UBR3: variants seen among roughly 807,000 people sequenced by gnomAD.
UBR3 encodes the protein ubiquitin protein ligase E3 component n-recognin 3.
A neutral mutation model predicts 243.2 loss-of-function variants in UBR3; 85 were observed. The observed-to-expected ratio is 0.35, with a 90% CI of 0.29 to 0.42. The LOEUF is 0.42. Ranked by LOEUF, UBR3 falls within the 10% of genes least tolerant of loss-of-function variation. The probability of loss-of-function intolerance (pLI) is 1.00; values close to 1 mark genes in which losing one functional copy is unlikely to be tolerated. For missense variants in UBR3, 1,686 were observed against 2,300.8 expected (o/e 0.73, Z 5.47); for synonymous variants, 748 against 799.8 (o/e 0.94, Z 1.09).
rs149430063 is a variant in UBR3, at chr2:170,027,875, G to A, written c.4454-1471G>A. 8.4e-3 allele frequency among the ~76,000 whole-genome samples: 1,273 copies of A among 151,760 alleles called. 19 individuals carry two copies. The highest frequency in any genetic ancestry group is 0.03 in the African/African-American group (1,223 of 41,454). ...TTCCCTTGTTCTCAGTATCATCTACGAAACCAGGCTACCATAAAAACTGGA... is the reference window on the plus strand; with the variant it reads ...TTCCCTTGTTCTCAGTATCATCTACAAAACCAGGCTACCATAAAAACTGGA... On this transcript the variant is annotated intron_variant, in intron 30 of 38. Coordinates refer to ENST00000272793, the MANE Select transcript of UBR3 (RefSeq NM_172070.4).
intron 35 of UBR3, among the ~76,000 whole-genome samples, chr2:170,063,365 T>G (rs2091491816): frequency 6.6e-6 from 1 of 152,152 alleles, no homozygotes; most frequent in Non-Finnish European, 1.5e-5. Flanking sequence ...AGTTGGACCC[T>G]TTAGGCGGAC....
intron 31 of UBR3, among the ~76,000 whole-genome samples, chr2:170,030,916 C>T (rs977548144): frequency 1.4e-4 from 21 of 152,172 alleles, no homozygotes; most frequent in Middle Eastern, 3.4e-3. Context: ...TATGAAGTCT[C>T]TAATCTGTTG....
chr2:169,970,458 A>G (rs374785789), intron 24 of UBR3, among the ~76,000 whole-genome samples: 54 of 101,834 alleles, frequency 5.3e-4, no homozygotes, highest in African/African-American at 1.9e-3. Flanking sequence ...ATATCTCCCA[A>G]TGCTATCCCT....
At chr2:169,925,529 C>T in intron 13 of UBR3, 90 bp from the exon 14 acceptor site, 2 of 1,197,606 alleles carry the variant, frequency 1.7e-6, no homozygotes, top group South Asian at 1.7e-5. Context: ...ACTATGATCA[C>T]ATCATTAAAT....
chr2:169,967,900 G>C (rs1264179386), intron 24 of UBR3, among the ~76,000 whole-genome samples: 2 of 151,410 alleles, frequency 1.3e-5, no homozygotes, highest in Non-Finnish European at 2.9e-5. Flanking sequence ...TGTATATTGA[G>C]ATATAAAATA....
chr2:170,027,657 C>T (rs898916186), intron 30 of UBR3, among the ~76,000 whole-genome samples: 1 of 151,748 alleles, frequency 6.6e-6, no homozygotes, highest in African/African-American at 2.4e-5. Flanking sequence ...TGCAGAACTC[C>T]TCACCGTGCA....
intron 11 of UBR3, 45 bp from the exon 12 acceptor site, chr2:169,923,884 C>A: frequency 6.8e-7 from 1 of 1,466,632 alleles, no homozygotes; most frequent in Non-Finnish European, 9.1e-7. Context: ...CTTAAAATTT[C>A]TATAAAATAG....
At position 170,054,338 on chromosome 2, in the gene UBR3, A is replaced by G. The variant is rs1434098161; in HGVS notation, c.4661-1122A>G. Reference sequence around the variant, plus strand: ...ACACTGTTGCCTGGGCTGGAGTGCAATGCCAGAATCTTGGCTCACTGCAAC... The same window carrying G: ...ACACTGTTGCCTGGGCTGGAGTGCAGTGCCAGAATCTTGGCTCACTGCAAC... On this transcript the variant is annotated intron_variant, in intron 32 of 38. Transcript: ENST00000272793. Among the ~76,000 whole-genome samples, 5 of 150,562 alleles carry G rather than the reference A, an allele frequency of 3.3e-5. No homozygotes were observed. In the East Asian group the frequency reaches 9.9e-4, roughly 30 times the overall value.
At chr2:169,980,503 T>C (rs901345813) in intron 24 of UBR3, among the ~76,000 whole-genome samples, 6 of 152,116 alleles carry the variant, frequency 3.9e-5, no homozygotes, top group South Asian at 4.1e-4. Context: ...TTGGCATTCT[T>C]CTGCTAAGGA....
chr2:169,864,378 T>C (rs2083184517), intron 1 of UBR3, among the ~76,000 whole-genome samples: 2 of 152,204 alleles, frequency 1.3e-5, no homozygotes, highest in Admixed American at 6.5e-5. Flanking sequence ...CCAGGACCTA[T>C]GTGCCAGGCA....
intron 1 of UBR3, among the ~76,000 whole-genome samples, chr2:169,828,343 G>T (rs1420224227): frequency 6.6e-6 from 1 of 152,202 alleles, no homozygotes; most frequent in Admixed American, 6.5e-5. Context: ...GGGTAGGAGG[G>T]GAGTGAGGGG....
Position 170,081,719 on chromosome 2 carries a change from G to GTT in UBR3, c.5550-6_5550-5dup, listed in dbSNP as rs2091911273. The GTT allele has an allele frequency of 6.4e-7, 1 of 1,565,472 alleles. No homozygotes were observed. Among genetic ancestry groups the GTT allele is most frequent in the African/African-American group, 1.4e-5 (1 of 71,498 alleles). On this transcript the variant is annotated splice_region_variant and splice_polypyrimidine_tract_variant and intron_variant, in intron 38 of 38. Transcript: ENST00000272793. ...ATATTAATACTTTTTTTTTCTTTTT[G>GTT]TTCTAGGCGAGGCAAACCTCTCTAC...
chr2:170,042,463 T>A (rs2090991662), intron 32 of UBR3, among the ~76,000 whole-genome samples: 1 of 152,012 alleles, frequency 6.6e-6, no homozygotes, highest in South Asian at 2.1e-4. Context: ...CCAAGTGTGA[T>A]GGATCACTTG....
intron 36 of UBR3, among the ~76,000 whole-genome samples, chr2:170,079,084 A>G (rs551581979): frequency 6.6e-6 from 1 of 152,204 alleles, no homozygotes; most frequent in African/African-American, 2.4e-5. Flanking sequence ...TCTTAAGATA[A>G]TAGACTCACT....
chr2:169,835,278 G>A (rs941821179), intron 1 of UBR3, among the ~76,000 whole-genome samples: 1 of 152,074 alleles, frequency 6.6e-6, no homozygotes, highest in Non-Finnish European at 1.5e-5. Context: ...TATTGCTTGA[G>A]GCTGGGAGTA....
chr2:170,030,765 C>T (rs2090646319), intron 31 of UBR3, among the ~76,000 whole-genome samples: 1 of 151,894 alleles, frequency 6.6e-6, no homozygotes, highest in Non-Finnish European at 1.5e-5. Flanking sequence ...CAGTTTTTTT[C>T]CTCAATATTT....
intron 33 of UBR3, among the ~76,000 whole-genome samples, chr2:170,058,168 G>A (rs547566186): frequency 2.0e-5 from 3 of 151,910 alleles, no homozygotes; most frequent in East Asian, 1.9e-4. Flanking sequence ...CCTTCTTTAC[G>A]TCTTCTCTCA....
intron 30 of UBR3, among the ~76,000 whole-genome samples, chr2:170,021,858 C>A (rs765904082): frequency 1.2e-4 from 19 of 152,040 alleles, no homozygotes; most frequent in Non-Finnish European, 2.6e-4. Flanking sequence ...AGTAGCCAGG[C>A]CTTTCTGTAT....
chr2:169,934,762 G>A (rs1014789094), intron 19 of UBR3, among the ~76,000 whole-genome samples: 1 of 152,174 alleles, frequency 6.6e-6, no homozygotes, highest in African/African-American at 2.4e-5. Context: ...TTTGTTAAAC[G>A]AATGAAAAGT....
Sources: gnomAD v4.1 joint callset for allele counts (sites outside exome capture counted in the v4.1 genomes callset) on GRCh38, gnomAD v4.1.1 for gene constraint, MANE v1.5 for transcripts, NCBI Gene and HGNC (gene_info 2026-07-23, HGNC 2026-07-21) for gene names.